Variants in TP53I13 observed in about 807,000 individuals in gnomAD.
The protein encoded by TP53I13 is tumor protein p53 inducible protein 13, also known as tumor protein p53-inducible protein 13.
A neutral mutation model predicts 39.1 loss-of-function variants in TP53I13; 27 were observed. That is an observed-to-expected ratio of 0.69 (90% CI 0.51 to 0.95). The LOEUF is 0.95. TP53I13 is among the 40% of genes least tolerant of loss of function. The pLI, the probability that TP53I13 is intolerant of heterozygous loss-of-function variation, is 0.00. For missense variants in TP53I13, 544 were observed against 520.4 expected, an observed-to-expected ratio of 1.05 and a Z score of -0.44; for synonymous variants, 230 against 224.6, an observed-to-expected ratio of 1.02 and a Z score of -0.22.
At chr17:29,574,980 TTGTC>T (rs1396254451), downstream of TP53I13, 10 of 1,490,598 alleles carry the variant, frequency 6.7e-6, no homozygotes, top group Non-Finnish European at 9.2e-6. Flanking sequence ...AGGGCCCAGT[TTGTC>T]TGTGTCTCCA....
At chr17:29,569,234 C>T in intron 2 of TP53I13, 84 bp from the exon 3 acceptor site, 2 of 1,523,680 alleles carry the variant, frequency 1.3e-6, no homozygotes, top group Non-Finnish European at 1.8e-6. Flanking sequence ...CCCAGCCTGG[C>T]GCTTGGGGCC....
At chr17:29,575,746 ACCCACACTGCCCCTAG>A (rs151175398), downstream of TP53I13, 4,942 of 1,609,272 alleles carry the variant, frequency 3.1e-3, 100 homozygotes, top group African/African-American at 0.04. The surrounding 1 kb of genome is among the most constrained non-coding windows in gnomAD (Gnocchi z 5.5). Context: ...GTGTTCCTGG[ACCCACACTGCCCCTAG>A]CCCACACGGC....
chr17:29,574,254 G>A (rs2033099837), downstream of TP53I13: 3 of 183,004 alleles, frequency 1.6e-5, no homozygotes, highest in Admixed American at 1.7e-4. Context: ...TGGCTACAGG[G>A]CAGGGACATC....
intron 3 of TP53I13, chr17:29,570,836 C>G (rs970686324): frequency 6.6e-6 from 1 of 152,386 alleles, no homozygotes; most frequent in Non-Finnish European, 1.5e-5. Flanking sequence ...TATCCTGACT[C>G]GGAGAGTGCA....
chr17:29,578,646 C>T, the TP53I13 span: 1 of 1,238,508 alleles, frequency 8.1e-7, no homozygotes, highest in Non-Finnish European at 1.2e-6. Flanking sequence ...GTCATCGAGT[C>T]AGAGGCAGAG....
At chr17:29,581,790 A>G in the TP53I13 span, 1 of 1,612,442 alleles carries the variant, frequency 6.2e-7, no homozygotes, top group Non-Finnish European at 8.5e-7. This position sits in a 1 kb window ranked among gnomAD's most constrained non-coding sequence, Gnocchi z 4.8. Flanking sequence ...GTGAGCTCAT[A>G]TTGGCACTCA....
At chr17:29,581,576 T>G in the TP53I13 span, 1 of 693,888 alleles carries the variant, frequency 1.4e-6, no homozygotes, top group African/African-American at 1.8e-5. The surrounding 1 kb of genome is among the most constrained non-coding windows in gnomAD (Gnocchi z 4.8). Flanking sequence ...GCCCCAGCGA[T>G]GCTATGGCCC....
rs777520618 is a variant in TP53I13 at position 29,572,699 on chromosome 17, TGAG to T, written c.1069+6_1069+8del. On this transcript the variant is annotated splice_donor_5th_base_variant and intron_variant, in intron 6 of 6. Transcript: ENST00000301057. ...CGGACAGCCAGGACACAGTGGCTGG[TGAG>T]GAGTTCCCTCCCTACCCTACCCGAG... 14 of 1,535,474 alleles carry T rather than the reference TGAG, an allele frequency of 9.1e-6. No individual in the cohort carries two copies. The highest frequency in any genetic ancestry group is 1.2e-5 in the Non-Finnish European group (14 of 1,139,064).
chr17:29,576,822 G>A (rs1471770637), downstream of TP53I13: 1 of 1,577,974 alleles, frequency 6.3e-7, no homozygotes, highest in African/African-American at 1.3e-5. Flanking sequence ...GAAGGCCTGG[G>A]TCAGGGCACA....
In TP53I13 at chr17:29,569,788, C is replaced by T. The variant is rs191960385; in HGVS notation, c.183+429C>T. 1.2e-3 allele frequency: 239 copies of T among 196,610 alleles called. 1 individual carries two copies. Among genetic ancestry groups the T allele is most frequent in the African/African-American group, 5.2e-3 (228 of 43,512 alleles). The allele number at this position is 196,610 out of a possible 1,614,324, so 12.2% of individuals were successfully genotyped here. On this transcript the variant is annotated intron_variant, in intron 3 of 6. Transcript: ENST00000301057. ...AGCGAGGGAGGGTATGTGCCAGCAC[C>T]GTGTACAGTACAGAGCTGCATCGTG...
At chr17:29,582,181 C>T in the TP53I13 span, 35 of 1,448,128 alleles carry the variant, frequency 2.4e-5, no homozygotes, top group African/African-American at 1.1e-4. Flanking sequence ...TACGCATGTG[C>T]GTGAGGCGCA....
At chr17:29,579,134 A>G in the TP53I13 span, 21 of 691,992 alleles carry the variant, frequency 3.0e-5, no homozygotes, top group Non-Finnish European at 5.5e-5. Context: ...AATTCATCTC[A>G]CCGCGTCCCC....
At chr17:29,575,701 G>A, downstream of TP53I13, 1 of 1,612,328 alleles carries the variant, frequency 6.2e-7, no homozygotes, top group Non-Finnish European at 8.5e-7. This position sits in a 1 kb window ranked among gnomAD's most constrained non-coding sequence, Gnocchi z 5.5. Context: ...GGGAAAGCTT[G>A]CTCTGGAGGG....
At chr17:29,574,456 G>T, downstream of TP53I13, 1 of 556,862 alleles carries the variant, frequency 1.8e-6, no homozygotes, top group Non-Finnish European at 3.2e-6. Flanking sequence ...CACTAGGAGG[G>T]GGGAGATGCT....
intron 2 of TP53I13, 23 bp downstream of exon 2, chr17:29,569,109 GGA>G (rs1268164011): frequency 1.3e-6 from 2 of 1,574,622 alleles, no homozygotes; most frequent in Admixed American, 1.8e-5. Flanking sequence ...GAGGGCCCAG[GGA>G]GAGAGGGATG....
At chr17:29,581,631 G>A in the TP53I13 span, 6 of 820,678 alleles carry the variant, frequency 7.3e-6, no homozygotes, top group Non-Finnish European at 1.2e-5. The surrounding 1 kb of genome is among the most constrained non-coding windows in gnomAD (Gnocchi z 4.8). Context: ...TAGCAACATT[G>A]CTCCCCAGCC....
At chr17:29,575,523 G>A (rs138460252), downstream of TP53I13, 542 of 1,568,922 alleles carry the variant, frequency 3.5e-4, 5 homozygotes, top group East Asian at 0.01. The surrounding 1 kb of genome is among the most constrained non-coding windows in gnomAD (Gnocchi z 5.5). Context: ...AGAAAGACAC[G>A]TTCCAGCCTC....
chr17:29,569,206 A>G (rs1761990296), intron 2 of TP53I13, 112 bp from the exon 3 acceptor site: 7 of 1,484,298 alleles, frequency 4.7e-6, no homozygotes, highest in Non-Finnish European at 3.7e-6. Context: ...CTCAGTCCTC[A>G]GTAGCCAACT....
rs1392790871 is a variant in TP53I13, at chr17:29,572,174, G to A, written c.546G>A (p.Trp182Ter). 1 of 1,608,290 alleles carries A rather than the reference G, an allele frequency of 6.2e-7. No homozygotes were observed. The highest frequency in any genetic ancestry group is 1.3e-5 in the African/African-American group (1 of 74,822). The change falls in exon 6 of 7, where the codon TGG (tryptophan) becomes TGA (stop). Residue 182 changes from tryptophan (W) to a stop codon, truncating the protein, a stop_gained. Coordinates refer to ENST00000301057, the MANE Select transcript of TP53I13 (RefSeq NM_138349.4). LOFTEE classifies it high-confidence loss of function. ...CTCTGGCCTTTGCTCTGCGGAGCTG[G>A]CGGCCCCCTGGCACAGAGGTGACAT... ...ALALAFALRS[W>*]RPPGTEVTSQ... is the part of the protein sequence containing the mutation.
Sources: gnomAD v4.1 joint callset for allele counts on GRCh38, gnomAD v4.1.1 for gene constraint, Gnocchi (gnomAD v3.1) non-coding constraint, MANE v1.5 for transcripts, NCBI Gene and HGNC (gene_info 2026-07-23, HGNC 2026-07-21) for gene names.